KAT2B: variants seen among roughly 807,000 people sequenced by gnomAD.
KAT2B encodes the protein histone acetyltransferase KAT2B.
Under a neutral mutation model 105.9 loss-of-function variants are expected in KAT2B, and 36 were observed. The ratio of observed to expected loss-of-function variants is 0.34; its 90% CI spans 0.26 to 0.45. The LOEUF (loss-of-function observed/expected upper bound fraction) is 0.45, where lower values mean the gene tolerates loss of function less well. Among genes scored for constraint, KAT2B ranks in the 20% least tolerant of loss-of-function variants. The pLI, the probability that KAT2B is intolerant of heterozygous loss-of-function variation, is 1.00. For synonymous variants in KAT2B, 397 were observed against 377.9 expected (o/e 1.05, Z -0.59); for missense variants, 820 against 1,021.6 (o/e 0.80, Z 2.69).
intron 11 of KAT2B, among the ~76,000 whole-genome samples, chr3:20,131,180 T>C (rs11708763): frequency 0.34 from 52,087 of 151,514 alleles, 9,755 homozygotes; most frequent in East Asian, 0.75. Flanking sequence ...CATGCCCGGC[T>C]AATTTTTGTA....
chr3:20,132,528 C>T (rs1335387006), intron 11 of KAT2B, among the ~76,000 whole-genome samples: 3 of 152,056 alleles, frequency 2.0e-5, no homozygotes, highest in African/African-American at 7.2e-5. Context: ...GGTGTACAAA[C>T]AAGGGGAAAT....
rs1697775919 is a variant in KAT2B, at chr3:20,044,642, CTCT to C, written c.303+3867_303+3869del. On this transcript the variant is annotated intron_variant, in intron 1 of 17. Coordinates refer to ENST00000263754, the MANE Select transcript of KAT2B (RefSeq NM_003884.5). The stretch of plus-strand genomic sequence containing the variant: ...ACATGCTGTTCACTGGGACTGGAAG[CTCT>C]TCTTTCCACATTTTAAAATTAACTC... Among the ~76,000 whole-genome samples the C allele has an allele frequency of 3.3e-5, 5 of 152,178 alleles. No individual in the cohort carries two copies. The South Asian group carries it at 1.0e-3, about 32-fold the overall frequency.
At chr3:20,056,313 T>A (rs1341944860) in intron 1 of KAT2B, among the ~76,000 whole-genome samples, 2 of 152,100 alleles carry the variant, frequency 1.3e-5, no homozygotes, top group Admixed American at 1.3e-4. Context: ...AAATGAAGGA[T>A]AATGTCCAGG....
chr3:20,111,236 T>G (rs539662025), intron 5 of KAT2B, among the ~76,000 whole-genome samples: 1 of 152,320 alleles, frequency 6.6e-6, no homozygotes, highest in South Asian at 2.1e-4. Context: ...GTAGGTATTA[T>G]TGTTGTCCCC....
In KAT2B at chr3:20,060,602, A is replaced by AAAAC. The variant is rs563263512; in HGVS notation, c.304-11717_304-11714dup. ...GGCAACAAGAGAGAAACTCTGTCTA[A>AAAAC]AAACAAACAAACAAACACACAAACA... On this transcript the variant is annotated intron_variant, in intron 1 of 17. Transcript: ENST00000263754. Among the ~76,000 whole-genome samples the AAAAC allele has an allele frequency of 2.6e-4, 36 of 139,478 alleles. 1 individual carries two copies. In the South Asian group the frequency reaches 6.7e-3, roughly 26 times the overall value. 91.5% of individuals were successfully genotyped at this position (139,478 alleles called of 152,430 possible). A position where few individuals can be genotyped will look rare whatever the true frequency, so the allele number is the denominator to read the frequency against.
At chr3:20,149,809 A>G (rs780607954) in intron 17 of KAT2B, among the ~76,000 whole-genome samples, 19 of 152,176 alleles carry the variant, frequency 1.2e-4, no homozygotes, top group Non-Finnish European at 2.1e-4. Flanking sequence ...TTGGGAATCA[A>G]TATTGTCCAC....
intron 3 of KAT2B, among the ~76,000 whole-genome samples, chr3:20,096,663 A>G (rs1698816432): frequency 6.6e-6 from 1 of 152,160 alleles, no homozygotes; most frequent in African/African-American, 2.4e-5. Flanking sequence ...CTTCATTTTT[A>G]TATGACAAAA....
chr3:20,142,070 A>T (rs1170214563), intron 13 of KAT2B, among the ~76,000 whole-genome samples: 1 of 152,150 alleles, frequency 6.6e-6, no homozygotes, highest in Non-Finnish European at 1.5e-5. Flanking sequence ...TCCCAGCAGC[A>T]CTAATTCATC....
At chr3:20,105,450 AG>A (rs1698983622) in intron 5 of KAT2B, among the ~76,000 whole-genome samples, 1 of 152,102 alleles carries the variant, frequency 6.6e-6, no homozygotes, top group African/African-American at 2.4e-5. Context: ...TGAAAGTTAA[AG>A]CTTACCCCCA....
chr3:20,090,723 A>G (rs1022891071), intron 2 of KAT2B, among the ~76,000 whole-genome samples: 7 of 151,882 alleles, frequency 4.6e-5, no homozygotes, highest in East Asian at 1.9e-4. Flanking sequence ...GTTTGGAAGT[A>G]TGCATCCCTC....
At chr3:20,135,728 A>G (rs978941213) in intron 11 of KAT2B, among the ~76,000 whole-genome samples, 7 of 152,160 alleles carry the variant, frequency 4.6e-5, no homozygotes, top group Admixed American at 2.6e-4. Flanking sequence ...AGGAATGACT[A>G]TAGCCTTGAT....
At chr3:20,068,168 G>A (rs1698256862) in intron 1 of KAT2B, among the ~76,000 whole-genome samples, 1 of 150,816 alleles carries the variant, frequency 6.6e-6, no homozygotes, top group Middle Eastern at 3.2e-3. Flanking sequence ...ACTAATTTTT[G>A]TATTTTTAGT....
chr3:20,045,631 C>T (rs1172548771), intron 1 of KAT2B, among the ~76,000 whole-genome samples: 1 of 152,096 alleles, frequency 6.6e-6, no homozygotes, highest in Non-Finnish European at 1.5e-5. Context: ...GAAACAAAAC[C>T]CATTGACTAA....
At chr3:20,124,086 T>G (rs1195149279) in intron 9 of KAT2B, among the ~76,000 whole-genome samples, 1 of 152,188 alleles carries the variant, frequency 6.6e-6, no homozygotes, top group Non-Finnish European at 1.5e-5. Context: ...GAAAAATCTC[T>G]TCCTAAAATT....
rs1355354956 is a variant in KAT2B at position 20,061,925 on chromosome 3, A to G, written c.304-10408A>G. Among the ~76,000 whole-genome samples the G allele has an allele frequency of 3.0e-5, 3 of 101,318 alleles. 1 individual carries two copies. The highest frequency in any genetic ancestry group is 1.2e-4 in the African/African-American group (3 of 24,526). 66.5% of individuals were successfully genotyped at this position (101,318 alleles called of 152,430 possible). On this transcript the variant is annotated intron_variant, in intron 1 of 17. Transcript: ENST00000263754. Reference sequence around the variant, plus strand: ...ATTATATATAAAATATGTATTATATATCATATATAAAACATAATATATATT... The same window carrying G: ...ATTATATATAAAATATGTATTATATGTCATATATAAAACATAATATATATT...
intron 2 of KAT2B, among the ~76,000 whole-genome samples, chr3:20,094,023 A>G (rs1465840499): frequency 6.6e-6 from 1 of 152,150 alleles, no homozygotes; most frequent in Non-Finnish European, 1.5e-5. Flanking sequence ...TCAGTTTCAA[A>G]CCCTAGCTCT....
chr3:20,040,615 C>T lies in KAT2B; in HGVS notation c.138C>T (p.Ala46=), dbSNP rs1697695264. 1.5e-6 allele frequency: 2 copies of T among 1,299,260 alleles called. No individual in the cohort carries two copies. Among genetic ancestry groups the T allele is most frequent in the Non-Finnish European group, 2.0e-6 (2 of 1,018,946 alleles). 80.5% of individuals were successfully genotyped at this position (1,299,260 alleles called of 1,614,324 possible). A position where few individuals can be genotyped will look rare whatever the true frequency, so the allele number is the denominator to read the frequency against. Residue 46 remains alanine (A), a synonymous_variant, in exon 1 of 18, where the codon GCC becomes GCT. Transcript: ENST00000263754. ...PPQGSPCAAA[A]GGSGACGPAT... ...AGGGCTCCCCCTGCGCCGCTGCCGCCGGGGGCTCGGGCGCCTGCGGTCCGG... is the reference window on the plus strand; with the variant it reads ...AGGGCTCCCCCTGCGCCGCTGCCGCTGGGGGCTCGGGCGCCTGCGGTCCGG...
At chr3:20,061,344 T>C (rs1698096716) in intron 1 of KAT2B, among the ~76,000 whole-genome samples, 1 of 152,146 alleles carries the variant, frequency 6.6e-6, no homozygotes, top group South Asian at 2.1e-4. Flanking sequence ...CCTTTGAATG[T>C]ATATACTACG....
intron 1 of KAT2B, among the ~76,000 whole-genome samples, chr3:20,054,573 A>G (rs888695094): frequency 6.6e-6 from 1 of 152,222 alleles, no homozygotes; most frequent in Non-Finnish European, 1.5e-5. Flanking sequence ...ATTCCATGCC[A>G]TCCTAATCAG....
Sources: allele counts gnomAD v4.1 joint callset (sites outside exome capture counted in the v4.1 genomes callset), GRCh38; gene constraint gnomAD v4.1.1; transcripts MANE v1.5; gene names NCBI Gene and HGNC (gene_info 2026-07-23, HGNC 2026-07-21).